The following SCN4A variants were observed in gnomAD, a reference collection of about 807,000 sequenced individuals.
SCN4A encodes sodium voltage-gated channel alpha subunit 4.
In SCN4A, 83 loss-of-function variants were observed where a neutral mutation model predicts 162.0. The observed-to-expected ratio is 0.51, with a 90% CI of 0.43 to 0.61. The LOEUF (loss-of-function observed/expected upper bound fraction) is 0.61. Ranked by LOEUF, SCN4A falls within the 20% of genes least tolerant of loss-of-function variation. The probability of loss-of-function intolerance (pLI) is 0.00; values close to 1 mark genes in which losing one functional copy is unlikely to be tolerated. For missense variants in SCN4A, 2,196 were observed against 2,462.5 expected (o/e 0.89, Z 2.29); for synonymous variants, 944 against 985.1 (o/e 0.96, Z 0.78).
intron 8 of SCN4A, 92 bp downstream of exon 8, chr17:63,966,006 GCCAT>G (rs1168574376): frequency 2.2e-6 from 2 of 915,222 alleles, no homozygotes; most frequent in Admixed American, 2.0e-5. Context: ...TCGGGGGTTG[GCCAT>G]CCTGTGGTAG....
Position 63,963,755 on chromosome 17 carries a change from C to G in SCN4A, c.1523G>C (p.Gly508Ala). The part of the protein sequence containing the change: ...GDPAHGKDCN[G>A]SLDTSQGEKG... Reference sequence around the variant, plus strand: ...CTCCCCTTGCGATGTGTCCAGGCTGCCATTGCAGTCTTTGCCATGGGCTGG... The same window carrying G: ...CTCCCCTTGCGATGTGTCCAGGCTGGCATTGCAGTCTTTGCCATGGGCTGG... The change falls in exon 10 of 24, where the codon GGC becomes GCC. Residue 508 changes from glycine to alanine, a missense_variant. Transcript: ENST00000435607. The G allele has an allele frequency of 5.6e-6, 9 of 1,609,834 alleles. No homozygotes were observed. Among genetic ancestry groups the G allele is most frequent in the Non-Finnish European group, 7.6e-6 (9 of 1,178,624 alleles).
In SCN4A at chr17:63,957,441, C is replaced by T. The variant is rs765222494; in HGVS notation, c.2097G>A (p.Ala699=). ...CCAGCACCAGCGTCAGGTTACCCAG[C>T]GCCCCCACTGAATTGCCAATGATCT... is the stretch of plus-strand genomic sequence containing the variant. ...LIKIIGNSVG[A]LGNLTLVLAI... Residue 699 remains alanine (A), a synonymous_variant, in exon 13 of 24, where the codon GCG becomes GCA. Transcript: ENST00000435607. The T allele has an allele frequency of 7.4e-6, 12 of 1,614,048 alleles. No individual in the cohort carries two copies. The highest frequency in any genetic ancestry group is 1.6e-4 in the Middle Eastern group (1 of 6,062).
intron 4 of SCN4A, 39 bp downstream of exon 4, chr17:63,971,683 C>A (rs1393696318): frequency 2.6e-6 from 4 of 1,548,968 alleles, no homozygotes; most frequent in Non-Finnish European, 3.5e-6. Flanking sequence ...CCTCCCCTCA[C>A]CCACCCCAGC....
In SCN4A at chr17:63,947,923, G is replaced by A. The variant is rs371401377; in HGVS notation, c.3285C>T (p.Asn1095=). 131 of 1,613,834 alleles carry A rather than the reference G, an allele frequency of 8.1e-5. No individual in the cohort carries two copies. The highest frequency in any genetic ancestry group is 5.7e-4 in the African/African-American group (43 of 75,054). ...TGAGGAAGTCGAGCCAGCACCAGGC[G>A]TTGGTGAAGTACACCTTAAAGCCGT... ...VAYGFKVYFT[N]AWCWLDFLIV... The change falls in exon 17 of 24, where the codon AAC becomes AAT. Residue 1095 remains asparagine, a synonymous_variant. Transcript: ENST00000435607.
chr17:63,941,687 A>T lies in SCN4A; in HGVS notation c.4595T>A (p.Ile1532Asn). The T allele has an allele frequency of 6.2e-7, 1 of 1,614,082 alleles. No individual in the cohort carries two copies. The highest frequency in any genetic ancestry group is 8.5e-7 in the Non-Finnish European group (1 of 1,180,020). ...CCCGTCCCAGCCGGCCGACGTGGTG[A>T]TCTCGAACAGGCAGATGATGCTGTT... Reference protein sequence around the residue: ...FGNSIICLFEITTSAGWDGLL... With the variant: ...FGNSIICLFENTTSAGWDGLL... Residue 1532 changes from isoleucine (I) to asparagine (N), a missense_variant, in exon 24 of 24, where the codon ATC (isoleucine) becomes AAC (asparagine). Ile to Asn is a moderately radical substitution (Grantham distance 149, BLOSUM62 -3). Coordinates refer to ENST00000435607, the MANE Select transcript of SCN4A (RefSeq NM_000334.4). This position sits in a 1 kb window ranked among gnomAD's most constrained non-coding sequence, Gnocchi z 6.2.
rs1909622238 is a variant in SCN4A at position 63,971,876 on chromosome 17, C to T, written c.483-26G>A. On this transcript the variant is annotated intron_variant, in intron 3 of 23. Coordinates refer to ENST00000435607, the MANE Select transcript of SCN4A (RefSeq NM_000334.4). ...CTGGGGGGGAGAGGGCCGGCCGGGA[C>T]AGGCATGTCACCTGGGTAGGGGTCA... 3 of 1,611,866 alleles carry T rather than the reference C, an allele frequency of 1.9e-6. No individual in the cohort carries two copies. In the African/African-American group the frequency reaches 4.0e-5, roughly 22 times the overall value.
chr17:63,949,965 C>T (rs779475959), intron 14 of SCN4A, among the ~76,000 whole-genome samples: 1 of 152,122 alleles, frequency 6.6e-6, no homozygotes, highest in Non-Finnish European at 1.5e-5. Flanking sequence ...AGCGTCTGAG[C>T]CTTCCCACCC....
Position 63,941,067 on chromosome 17 carries a change from G to A in SCN4A, c.5215C>T (p.Arg1739Cys), listed in dbSNP as rs1429686217. Reference sequence around the variant, plus strand: ...ATGGAGCGCTGTAGCAGGTGCCGGCGGTAGGCCCTCTGGATCTTGATGGCG... The same window carrying A: ...ATGGAGCGCTGTAGCAGGTGCCGGCAGTAGGCCCTCTGGATCTTGATGGCG... Reference protein sequence around the residue: ...VCAIKIQRAYRRHLLQRSMKQ... With the variant: ...VCAIKIQRAYCRHLLQRSMKQ... The change falls in exon 24 of 24, where the codon CGC (arginine) becomes TGC (cysteine). Residue 1739 changes from arginine (R) to cysteine (C), a missense_variant. By Grantham distance (180) the Arg-to-Cys change is radical. Coordinates refer to ENST00000435607, the MANE Select transcript of SCN4A (RefSeq NM_000334.4). The surrounding 1 kb of genome is among the most constrained non-coding windows in gnomAD (Gnocchi z 6.2). 8 of 1,613,876 alleles carry A rather than the reference G, an allele frequency of 5.0e-6. No individual in the cohort carries two copies. The highest frequency in any genetic ancestry group is 1.6e-4 in the Middle Eastern group (1 of 6,084).
In SCN4A at chr17:63,945,655, C is replaced by A. The variant is rs766493001; in HGVS notation, c.3442-17G>T. 1 of 1,613,256 alleles carries A rather than the reference C, an allele frequency of 6.2e-7. No homozygotes were observed. Among genetic ancestry groups the A allele is most frequent in the Admixed American group, 1.7e-5 (1 of 60,026 alleles). ...CACCACCACCTGGGGGCCAGGGGGTCCATTGCCAGTGCCTCTCCCAGCCTC... is the reference window on the plus strand; with the variant it reads ...CACCACCACCTGGGGGCCAGGGGGTACATTGCCAGTGCCTCTCCCAGCCTC... On this transcript the variant is annotated splice_polypyrimidine_tract_variant and intron_variant, in intron 18 of 23. Transcript: ENST00000435607. This position sits in a 1 kb window ranked among gnomAD's most constrained non-coding sequence, Gnocchi z 4.4.
chr17:63,943,132 G>C, intron 22 of SCN4A, 36 bp from the exon 23 acceptor site: 1 of 1,590,446 alleles, frequency 6.3e-7, no homozygotes. Context: ...GGAGGAGTTG[G>C]GGTGGCCAGG....
chr17:63,941,267 T>C lies in SCN4A; in HGVS notation c.5015A>G (p.Asp1672Gly). 3 of 1,613,854 alleles carry C rather than the reference T, an allele frequency of 1.9e-6. No homozygotes were observed. The highest frequency in any genetic ancestry group is 2.5e-6 in the Non-Finnish European group (3 of 1,179,850). Residue 1672 changes from aspartate to glycine, a missense_variant, in exon 24 of 24, where the codon GAC becomes GGC. By Grantham distance (94) the Asp-to-Gly change is moderately conservative. Transcript: ENST00000435607. The surrounding 1 kb of genome is among the most constrained non-coding windows in gnomAD (Gnocchi z 6.2). Reference sequence around the variant, plus strand: ...GAGGATGTCCAGGCAGTGGATCTTGTCCCCTGGCACCATGGGCAAGTCCAG... The same window carrying C: ...GAGGATGTCCAGGCAGTGGATCTTGCCCCCTGGCACCATGGGCAAGTCCAG... The part of the protein sequence containing the change: ...ITLDLPMVPG[D>G]KIHCLDILFA...
chr17:63,947,236 G>A (rs1908755499), intron 17 of SCN4A, 69 bp from the exon 18 acceptor site: 18 of 1,590,048 alleles, frequency 1.1e-5, no homozygotes, highest in Middle Eastern at 2.1e-4. Context: ...CAGGCCACGG[G>A]GGTCTTCCTG....
chr17:63,947,087 G>C lies in SCN4A; in HGVS notation c.3399C>G (p.Ala1133=). 6.2e-7 allele frequency: 1 copy of C among 1,613,540 alleles called. No individual in the cohort carries two copies. The change falls in exon 18 of 24, where the codon GCC becomes GCG. Residue 1133 remains alanine (A), a synonymous_variant. Coordinates refer to ENST00000435607, the MANE Select transcript of SCN4A (RefSeq NM_000334.4). The part of the protein sequence containing the change: ...GPIKSLRTLR[A]LRPLRALSRF... The stretch of plus-strand genomic sequence containing the variant: ...GGGACAGTGCCCTCAGGGGACGCAG[G>C]GCCCGCAGTGTCCGCAGGGATTTGA...
chr17:63,961,118 C>T, intron 11 of SCN4A, 75 bp downstream of exon 11: 3 of 914,046 alleles, frequency 3.3e-6, no homozygotes, highest in South Asian at 2.9e-5. Flanking sequence ...TATTTACATA[C>T]AGCCAGACAG....
intron 13 of SCN4A, among the ~76,000 whole-genome samples, chr17:63,956,074 C>T (rs1909063134): frequency 6.6e-6 from 1 of 152,246 alleles, no homozygotes; most frequent in South Asian, 2.1e-4. Context: ...CCTCCAGAGG[C>T]CCTAGCCGCA....
chr17:63,947,714 C>T (rs576454486), intron 17 of SCN4A, among the ~76,000 whole-genome samples, 176 bp downstream of exon 17: 75 of 152,364 alleles, frequency 4.9e-4, no homozygotes, highest in African/African-American at 1.6e-3. Context: ...GGGAAGGCCT[C>T]CCAGTCCCTA....
Position 63,949,385 on chromosome 17 carries a change from GC to G in SCN4A, c.2989+7del. 1 of 1,565,748 alleles carries G rather than the reference GC, an allele frequency of 6.4e-7. No homozygotes were observed. On this transcript the variant is annotated splice_region_variant and intron_variant, in intron 15 of 23. Coordinates refer to ENST00000435607, the MANE Select transcript of SCN4A (RefSeq NM_000334.4). ...GAGACACCCAGATGAGGTGAGGGGT[GC>G]CCTCACCCTCAGTGAAGCACTCCTC...
At position 63,941,175 on chromosome 17, in the gene SCN4A, C is replaced by T. The variant is rs1210583671; in HGVS notation, c.5107G>A (p.Glu1703Lys). Residue 1703 changes from glutamate (E) to lysine (K), a missense_variant, in exon 24 of 24, where the codon GAG becomes AAG. Transcript: ENST00000435607. The surrounding 1 kb of genome is among the most constrained non-coding windows in gnomAD (Gnocchi z 6.2). ...EMDALKQTME[E>K]KFMAANPSKV... is the part of the protein sequence containing the mutation. ...GAGGGGTTGGCTGCCATGAACTTCTCCTCCATGGTCTGCTTGAGGGCGTCC... is the reference window on the plus strand; with the variant it reads ...GAGGGGTTGGCTGCCATGAACTTCTTCTCCATGGTCTGCTTGAGGGCGTCC... 2 of 1,613,742 alleles carry T rather than the reference C, an allele frequency of 1.2e-6. No individual in the cohort carries two copies. The highest frequency in any genetic ancestry group is 1.7e-5 in the Admixed American group (1 of 59,992).
intron 13 of SCN4A, among the ~76,000 whole-genome samples, chr17:63,954,996 C>T (rs1421112329): frequency 1.3e-5 from 2 of 152,102 alleles, no homozygotes; most frequent in African/African-American, 2.4e-5. Flanking sequence ...CACAGGTGGG[C>T]GTGAGGATGA....
Sources: gnomAD v4.1 joint callset for allele counts (sites outside exome capture counted in the v4.1 genomes callset) on GRCh38, gnomAD v4.1.1 for gene constraint, Gnocchi (gnomAD v3.1) non-coding constraint, MANE v1.5 for transcripts, NCBI Gene and HGNC (gene_info 2026-07-23, HGNC 2026-07-21) for gene names.